ACOT12: variants seen among roughly 807,000 people sequenced by gnomAD.
ACOT12 encodes the protein acyl-CoA thioesterase 12.
A neutral mutation model predicts 67.7 loss-of-function variants in ACOT12; 51 were observed. That is an observed-to-expected ratio of 0.75 (90% CI 0.60 to 0.95). ACOT12 has a LOEUF of 0.95. ACOT12 is among the 40% of genes least tolerant of loss of function. ACOT12 has a pLI of 0.00. For missense variants in ACOT12, 734 were observed against 708.1 expected (o/e 1.04, Z -0.41); for synonymous variants, 251 against 244.6 (o/e 1.03, Z -0.24).
the ACOT12 span, chr5:81,311,425 C>A: frequency 1.2e-6 from 1 of 855,552 alleles, no homozygotes; most frequent in South Asian, 1.6e-5. Flanking sequence ...TAATCTCTGT[C>A]AGCAATAGAC....
Position 81,330,387 on chromosome 5 carries a change from T to G in ACOT12, c.*7A>C. ...AAATTAAATTACCAGTAATTGAAAGTTGACCTTTAAAATGTGCTTACAAAC... is the reference window on the plus strand; with the variant it reads ...AAATTAAATTACCAGTAATTGAAAGGTGACCTTTAAAATGTGCTTACAAAC... On this transcript the variant is annotated 3_prime_UTR_variant, in exon 15 of 15. Coordinates refer to ENST00000307624, the MANE Select transcript of ACOT12 (RefSeq NM_130767.3). 4 of 1,605,878 alleles carry G rather than the reference T, an allele frequency of 2.5e-6. No homozygotes were observed. The highest frequency in any genetic ancestry group is 1.7e-5 in the Admixed American group (1 of 58,920).
chr5:81,394,031 C>A lies in ACOT12; in HGVS notation c.84G>T (p.Ala28=). The change falls in exon 1 of 15, where the codon GCG becomes GCT. Residue 28 remains alanine, a synonymous_variant. Transcript: ENST00000307624. ...AHATARGELS[A]GQLLKWIDTT... is the part of the protein sequence containing the mutation. ...TGTCGATCCACTTGAGCAGCTGCCC[C>A]GCGCTCAGCTCGCCGCGCGCAGTGG... 2 of 1,467,766 alleles carry A rather than the reference C, an allele frequency of 1.4e-6. No individual in the cohort carries two copies. The highest frequency in any genetic ancestry group is 5.9e-5 in the East Asian group (2 of 34,032). The allele number at this position is 1,467,766 out of a possible 1,614,324, so 90.9% of individuals were successfully genotyped here. A position where few individuals can be genotyped will look rare whatever the true frequency, so the allele number is the denominator to read the frequency against.
the ACOT12 span, among the ~76,000 whole-genome samples, chr5:81,312,079 T>C: frequency 5.9e-5 from 9 of 152,204 alleles, no homozygotes; most frequent in African/African-American, 2.2e-4. Flanking sequence ...TAGTACATTG[T>C]AGGCAGTGAG....
At chr5:81,393,042 C>T (rs568168250) in intron 1 of ACOT12, among the ~76,000 whole-genome samples, 1 of 152,324 alleles carries the variant, frequency 6.6e-6, no homozygotes, top group Non-Finnish European at 1.5e-5. Context: ...GTATAAATTT[C>T]GGTGGGTGGT....
At chr5:81,382,974 A>G (rs1342617382) in intron 2 of ACOT12, among the ~76,000 whole-genome samples, 1 of 152,214 alleles carries the variant, frequency 6.6e-6, no homozygotes, top group Non-Finnish European at 1.5e-5. Flanking sequence ...GTATTTTAGA[A>G]AATAAATGAA....
chr5:81,313,911 G>A, the ACOT12 span, among the ~76,000 whole-genome samples: 7 of 152,154 alleles, frequency 4.6e-5, no homozygotes, highest in African/African-American at 1.7e-4. Flanking sequence ...AATTGCACAA[G>A]CCAGGCAGTT....
chr5:81,365,174 A>C (rs1171548461), intron 3 of ACOT12, among the ~76,000 whole-genome samples: 2 of 152,216 alleles, frequency 1.3e-5, no homozygotes, highest in Non-Finnish European at 2.9e-5. Context: ...ATTTCAGATG[A>C]GTAATACTAT....
At chr5:81,388,982 T>C (rs184262893) in intron 1 of ACOT12, among the ~76,000 whole-genome samples, 3 of 152,234 alleles carry the variant, frequency 2.0e-5, no homozygotes, top group Non-Finnish European at 4.4e-5. Context: ...CCCACCCACA[T>C]GGAACTGTGA....
At chr5:81,359,767 G>T in intron 5 of ACOT12, 136 bp downstream of exon 5, 1 of 918,598 alleles carries the variant, frequency 1.1e-6, no homozygotes, top group East Asian at 3.0e-5. Flanking sequence ...TCCAGCCACC[G>T]GGTTTGTTGG....
the ACOT12 span, chr5:81,309,101 ACACTC>A: frequency 2.5e-6 from 3 of 1,185,464 alleles, no homozygotes; most frequent in Non-Finnish European, 3.6e-6. Flanking sequence ...GATTTAATTT[ACACTC>A]AATCACAGTT....
chr5:81,319,966 AG>A, the ACOT12 span, among the ~76,000 whole-genome samples: 6 of 76,264 alleles, frequency 7.9e-5, no homozygotes, highest in Admixed American at 9.6e-4. Flanking sequence ...GTAAACACAG[AG>A]AGAGAAATTA....
At chr5:81,308,867 C>T in the ACOT12 span, 3 of 1,402,024 alleles carry the variant, frequency 2.1e-6, no homozygotes, top group African/African-American at 2.9e-5. Context: ...ATTTTTTATT[C>T]AGAGTATTTT....
chr5:81,387,447 T>C (rs1760759347), intron 1 of ACOT12, among the ~76,000 whole-genome samples: 1 of 152,174 alleles, frequency 6.6e-6, no homozygotes, highest in Non-Finnish European at 1.5e-5. Flanking sequence ...TTCCAGTTAC[T>C]TGACATGAGG....
chr5:81,339,800 C>T (rs7716302), intron 11 of ACOT12, among the ~76,000 whole-genome samples: 64,911 of 151,982 alleles, frequency 0.43, 15,028 homozygotes, highest in African/African-American at 0.59. Flanking sequence ...AAACATGAAA[C>T]GAATTAAAAC....
At position 81,330,352 on chromosome 5, in the gene ACOT12, TAA is replaced by T. The variant is rs1758773749; in HGVS notation, c.*40_*41del. ...TGTCAGGGCTAAGGGTGCTTGGAAT[TAA>T]AAGTGGGAAATTAAATTACCAGTAA... On this transcript the variant is annotated 3_prime_UTR_variant, in exon 15 of 15. Transcript: ENST00000307624. The T allele has an allele frequency of 1.9e-6, 3 of 1,594,538 alleles. No homozygotes were observed. The East Asian group carries it at 6.7e-5, about 36-fold the overall frequency.
rs769751735 is a variant in ACOT12 at position 81,330,928 on chromosome 5, T to C, written c.1404A>G (p.Thr468=). The change falls in exon 14 of 15, where the codon ACA becomes ACG. Residue 468 remains threonine (T), a synonymous_variant. Transcript: ENST00000307624. ...GCAAAATGACCGACTTCACTGCCAC[T>C]GTGTAAGTGTTACTGAAAGAAAACA... ...RKPLKDGNTY[T]VAVKSVILPS... 2 of 1,598,568 alleles carry C rather than the reference T, an allele frequency of 1.3e-6. No homozygotes were observed. The highest frequency in any genetic ancestry group is 1.7e-6 in the Non-Finnish European group (2 of 1,174,238).
Position 81,345,745 on chromosome 5 carries a change from T to C in ACOT12, c.773+140A>G, listed in dbSNP as rs1186541261. On this transcript the variant is annotated intron_variant, in intron 7 of 14. Transcript: ENST00000307624. ...CCCAAGCAGAACAAAGGGTTAAAAA[T>C]ATGTTCATGGATTTTGAAAATTGCA... The C allele has an allele frequency of 2.6e-6, 3 of 1,145,482 alleles. No individual in the cohort carries two copies. In the African/African-American group the frequency reaches 4.7e-5, roughly 18 times the overall value. The allele number at this position is 1,145,482 out of a possible 1,614,324, so 71.0% of individuals were successfully genotyped here. A position where few individuals can be genotyped will look rare whatever the true frequency, so the allele number is the denominator to read the frequency against.
intron 3 of ACOT12, among the ~76,000 whole-genome samples, chr5:81,366,247 A>G (rs1474391601): frequency 2.0e-5 from 3 of 152,172 alleles, no homozygotes; most frequent in African/African-American, 7.2e-5. Context: ...AAAGTCTGAC[A>G]CTCTTTTTAA....
rs371123929 is a variant in ACOT12 at position 81,335,776 on chromosome 5, G to C, written c.1254C>G (p.Pro418=). 1.7e-4 allele frequency: 276 copies of C among 1,606,374 alleles called. No homozygotes were observed. The highest frequency in any genetic ancestry group is 2.2e-4 in the Non-Finnish European group (257 of 1,178,084). Residue 418 remains proline (P), a synonymous_variant, in exon 12 of 15, where the codon CCC becomes CCG. Transcript: ENST00000307624. ...SDFTKRPLWD[P]HFVSCEVIDW... ...TTTAAATTTGTTCTTACACAAAATGGGGGTCCCACAAAGGTCGCTTTGTAA... is the reference window on the plus strand; with the variant it reads ...TTTAAATTTGTTCTTACACAAAATGCGGGTCCCACAAAGGTCGCTTTGTAA...
Sources: gnomAD v4.1 joint callset for allele counts (sites outside exome capture counted in the v4.1 genomes callset) on GRCh38, gnomAD v4.1.1 for gene constraint, MANE v1.5 for transcripts, NCBI Gene and HGNC (gene_info 2026-07-23, HGNC 2026-07-21) for gene names.